Variants in EVI5L observed in about 807,000 individuals in gnomAD.
The protein encoded by EVI5L is ecotropic viral integration site 5 like.
EVI5L carries 30 observed loss-of-function variants against 106.1 expected under a neutral mutation model. The observed-to-expected ratio is 0.28, with a 90% confidence interval of 0.21 to 0.38. The LOEUF is 0.38. EVI5L is among the 10% of genes least tolerant of loss of function. EVI5L has a pLI of 1.00. For missense variants in EVI5L, 809 were observed against 1,098.0 expected, an observed-to-expected ratio of 0.74 and a Z score of 3.72; for synonymous variants, 489 against 483.3, an observed-to-expected ratio of 1.01 and a Z score of -0.15.
In EVI5L at chr19:7,857,608, A is replaced by G. The variant is rs1979593623; in HGVS notation, c.1233+484A>G. The G allele has an allele frequency of 5.2e-6, 1 of 192,946 alleles. No individual in the cohort carries two copies. Among genetic ancestry groups the G allele is most frequent in the Non-Finnish European group, 1.1e-5 (1 of 93,682 alleles). 12.0% of individuals were successfully genotyped at this position (192,946 alleles called of 1,614,324 possible). A position where few individuals can be genotyped will look rare whatever the true frequency, so the allele number is the denominator to read the frequency against. On this transcript the variant is annotated intron_variant, in intron 12 of 19. Transcript: ENST00000538904. The surrounding 1 kb of genome is among the most constrained non-coding windows in gnomAD (Gnocchi z 4.5). ...CTGCTCCTGCTGCCACCTCATCTTG[A>G]ATGGCTTTATCTGGAAGCTGCCACC...
At position 7,850,198 on chromosome 19, in the gene EVI5L, C is replaced by G; in HGVS notation, c.753+76C>G. 1 of 1,528,840 alleles carries G rather than the reference C, an allele frequency of 6.5e-7. No individual in the cohort carries two copies. The highest frequency in any genetic ancestry group is 8.8e-7 in the Non-Finnish European group (1 of 1,137,820). 94.7% of individuals were successfully genotyped at this position (1,528,840 alleles called of 1,614,324 possible). On this transcript the variant is annotated intron_variant, in intron 6 of 19. Transcript: ENST00000538904. This position sits in a 1 kb window ranked among gnomAD's most constrained non-coding sequence, Gnocchi z 5.4. ...GGGCAGGGCCGCAAGGGAGCAGGAT[C>G]GCAGAAGGGCAGGGCTGGCACCCTA...
In EVI5L at chr19:7,849,248, C is replaced by T; in HGVS notation, c.553-8C>T. On this transcript the variant is annotated splice_region_variant and splice_polypyrimidine_tract_variant and intron_variant, in intron 4 of 19. Coordinates refer to ENST00000538904, the MANE Select transcript of EVI5L (RefSeq NM_001159944.3). ...GGGACCCTGCTCTCAGGACTTGTTCCCTTCTAGGCATACTCGCTGGTAGAC... is the reference window on the plus strand; with the variant it reads ...GGGACCCTGCTCTCAGGACTTGTTCTCTTCTAGGCATACTCGCTGGTAGAC... 6.2e-7 allele frequency: 1 copy of T among 1,614,180 alleles called. No homozygotes were observed. The highest frequency in any genetic ancestry group is 1.1e-5 in the South Asian group (1 of 91,082).
intron 14 of EVI5L, 43 bp from the exon 15 acceptor site, chr19:7,861,835 G>C: frequency 6.5e-7 from 1 of 1,548,042 alleles, no homozygotes; most frequent in Non-Finnish European, 8.7e-7. Context: ...AGGGCCATGC[G>C]GCTGCGCTGC....
Position 7,864,730 on chromosome 19 carries a change from G to T in EVI5L, c.*1028G>T, listed in dbSNP as rs1391662150. On this transcript the variant is annotated 3_prime_UTR_variant, in exon 20 of 20. Transcript: ENST00000538904. This position sits in a 1 kb window ranked among gnomAD's most constrained non-coding sequence, Gnocchi z 4.5. ...ATGACCCTGGGGGCTGCCCCCCTCGGTGCTCCCGGAGCCTCCAGTAGAGTA... is the reference window on the plus strand; with the variant it reads ...ATGACCCTGGGGGCTGCCCCCCTCGTTGCTCCCGGAGCCTCCAGTAGAGTA... The T allele has an allele frequency of 6.6e-6, 1 of 151,824 alleles. No individual in the cohort carries two copies. Among genetic ancestry groups the T allele is most frequent in the Non-Finnish European group, 1.5e-5 (1 of 67,888 alleles). 9.4% of individuals were successfully genotyped at this position (151,824 alleles called of 1,614,324 possible).
chr19:7,847,673 C>G, intron 2 of EVI5L, 59 bp from the exon 3 acceptor site: 1 of 1,573,154 alleles, frequency 6.4e-7, no homozygotes, highest in South Asian at 1.2e-5. Context: ...GCTGGGCTCG[C>G]CAAGGATCCC....
Position 7,858,906 on chromosome 19 carries a change from C to G in EVI5L, c.1374+575C>G, listed in dbSNP as rs1384074087. The G allele has an allele frequency of 6.6e-6, 1 of 152,562 alleles. No individual in the cohort carries two copies. 9.5% of individuals were successfully genotyped at this position (152,562 alleles called of 1,614,324 possible). ...TCTCCTGAAAGCTTTTAGAACTTAACTGCGACCTGGTGCAGTGGCTCACGC... is the reference window on the plus strand; with the variant it reads ...TCTCCTGAAAGCTTTTAGAACTTAAGTGCGACCTGGTGCAGTGGCTCACGC... On this transcript the variant is annotated intron_variant, in intron 13 of 19. Coordinates refer to ENST00000538904, the MANE Select transcript of EVI5L (RefSeq NM_001159944.3). The surrounding 1 kb of genome is among the most constrained non-coding windows in gnomAD (Gnocchi z 5.7).
intron 10 of EVI5L, 137 bp downstream of exon 10, chr19:7,853,470 T>A: frequency 8.5e-7 from 1 of 1,169,960 alleles, no homozygotes; most frequent in Non-Finnish European, 1.2e-6. Context: ...CGGACAGGCC[T>A]CCGCCCACCT....
chr19:7,847,687 C>T (rs749811652), intron 2 of EVI5L, 45 bp from the exon 3 acceptor site: 3 of 1,591,072 alleles, frequency 1.9e-6, no homozygotes, highest in Non-Finnish European at 1.7e-6. Context: ...GGATCCCTGT[C>T]CCCAGGGAGT....
chr19:7,837,227 A>G (rs1978377191), intron 1 of EVI5L, among the ~76,000 whole-genome samples: 1 of 151,768 alleles, frequency 6.6e-6, no homozygotes, highest in African/African-American at 2.4e-5. Flanking sequence ...GCTACTTGGG[A>G]GGCTGAGGCA....
rs1487527858 is a variant in EVI5L at position 7,845,833 on chromosome 19, C to A, written c.-47-663C>A. On this transcript the variant is annotated intron_variant, in intron 1 of 19. Transcript: ENST00000538904. The surrounding 1 kb of genome is among the most constrained non-coding windows in gnomAD (Gnocchi z 4.0). ...CACGTGGCAGGCCAAGATCTGGATA[C>A]GGATCGGAGCCCACAGCTCTGGCTC... is the stretch of plus-strand genomic sequence containing the variant. Among the ~76,000 whole-genome samples, 1 of 152,184 alleles carries A rather than the reference C, an allele frequency of 6.6e-6. No homozygotes were observed. The highest frequency in any genetic ancestry group is 2.4e-5 in the African/African-American group (1 of 41,454).
At position 7,843,451 on chromosome 19, in the gene EVI5L, TGTGA is replaced by T. The variant is rs1368089617; in HGVS notation, c.-47-3041_-47-3038del. On this transcript the variant is annotated intron_variant, in intron 1 of 19. Coordinates refer to ENST00000538904, the MANE Select transcript of EVI5L (RefSeq NM_001159944.3). ...TGTCGAGAGTGTGTGTGTATGGGTG[TGTGA>T]GTGTGTGTGAGAATAGGCATGGGTG... Among the ~76,000 whole-genome samples, 686 of 146,102 alleles carry T rather than the reference TGTGA, an allele frequency of 4.7e-3. 8 individuals carry two copies. The highest frequency in any genetic ancestry group is 0.016 in the African/African-American group (604 of 38,460).
At chr19:7,833,464 G>C (rs1024246121) in intron 1 of EVI5L, among the ~76,000 whole-genome samples, 1 of 152,240 alleles carries the variant, frequency 6.6e-6, no homozygotes, top group Non-Finnish European at 1.5e-5. Context: ...GGCCTGCTGC[G>C]GGGAGCATGA....
Position 7,846,636 on chromosome 19 carries a change from C to T in EVI5L, c.94C>T (p.Pro32Ser). The T allele has an allele frequency of 6.2e-7, 1 of 1,613,738 alleles. No homozygotes were observed. The highest frequency in any genetic ancestry group is 8.5e-7 in the Non-Finnish European group (1 of 1,179,958). The change falls in exon 2 of 20, where the codon CCC becomes TCC. Residue 32 changes from proline to serine, a missense_variant. Around this residue, in one of 2 missense-constraint regions of EVI5L, gnomAD observed 357 missense variants for 588.1 expected, o/e 0.61. Transcript: ENST00000538904. ...AACCTCTGACTCCGAGAACCTCAGCCCCGATGAGCTGGAGCTGCTGGCCAA... is the reference window on the plus strand; with the variant it reads ...AACCTCTGACTCCGAGAACCTCAGCTCCGATGAGCTGGAGCTGCTGGCCAA... ...SPTSDSENLSPDELELLAKLE... is the reference protein window; with the variant it reads ...SPTSDSENLSSDELELLAKLE...
rs374916533 is a variant in EVI5L at position 7,856,135 on chromosome 19, C to T, written c.1200+67C>T. 1.7e-5 allele frequency: 22 copies of T among 1,284,532 alleles called. No individual in the cohort carries two copies. Among genetic ancestry groups the T allele is most frequent in the African/African-American group, 1.2e-4 (8 of 65,752 alleles). 79.6% of individuals were successfully genotyped at this position (1,284,532 alleles called of 1,614,324 possible). On this transcript the variant is annotated intron_variant, in intron 11 of 19. Coordinates refer to ENST00000538904, the MANE Select transcript of EVI5L (RefSeq NM_001159944.3). The surrounding 1 kb of genome is among the most constrained non-coding windows in gnomAD (Gnocchi z 6.6). ...TGTGACCCACCATGCGGGGCATGGCCGCTAACCTGGGGTGGACTCCTCCAA... is the reference window on the plus strand; with the variant it reads ...TGTGACCCACCATGCGGGGCATGGCTGCTAACCTGGGGTGGACTCCTCCAA...
chr19:7,846,360 G>A (rs756040937), intron 1 of EVI5L, 136 bp from the exon 2 acceptor site: 84 of 704,996 alleles, frequency 1.2e-4, no homozygotes, highest in Non-Finnish European at 1.6e-4. Flanking sequence ...GGGCTGGGGC[G>A]CATGGGGATG....
Position 7,848,222 on chromosome 19 carries a change from G to T in EVI5L, c.327+301G>T, listed in dbSNP as rs1979055143. The stretch of plus-strand genomic sequence containing the variant: ...AATCTCAGCACTTTGGGCGGCCAAG[G>T]TGGGAGGATCGCTTGAGGCCAGGAG... On this transcript the variant is annotated intron_variant, in intron 3 of 19. Coordinates refer to ENST00000538904, the MANE Select transcript of EVI5L (RefSeq NM_001159944.3). The surrounding 1 kb of genome is among the most constrained non-coding windows in gnomAD (Gnocchi z 4.8). Among the ~76,000 whole-genome samples the T allele has an allele frequency of 6.6e-6, 1 of 152,154 alleles. No individual in the cohort carries two copies. The highest frequency in any genetic ancestry group is 6.5e-5 in the Admixed American group (1 of 15,276).
At position 7,853,072 on chromosome 19, in the gene EVI5L, C is replaced by T. The variant is rs763482170; in HGVS notation, c.988-14C>T. 9 of 1,613,432 alleles carry T rather than the reference C, an allele frequency of 5.6e-6. No homozygotes were observed. In the East Asian group the frequency reaches 1.8e-4, roughly 32 times the overall value. ...TGCATGTTGGTGACCAGGTGACCGG[C>T]TGTGTCCCCACAGTACTTCCAGAGA... On this transcript the variant is annotated splice_polypyrimidine_tract_variant and intron_variant, in intron 8 of 19. Transcript: ENST00000538904.
chr19:7,841,373 A>G (rs1051613876), intron 1 of EVI5L, among the ~76,000 whole-genome samples: 4 of 152,020 alleles, frequency 2.6e-5, no homozygotes, highest in African/African-American at 9.7e-5. Flanking sequence ...CCGGCCAGAG[A>G]GGCAGGAAGG....
At position 7,861,964 on chromosome 19, in the gene EVI5L, G is replaced by A. The variant is rs1979820828; in HGVS notation, c.1590G>A (p.Val530=). The change falls in exon 15 of 20, where the codon GTG becomes GTA. Residue 530 remains valine, a synonymous_variant. Coordinates refer to ENST00000538904, the MANE Select transcript of EVI5L (RefSeq NM_001159944.3). The stretch of plus-strand genomic sequence containing the variant: ...TCAAGGTGCGGGAAGGCCAGGCGGT[G>A]GCCTCGACGCGAGAGCTTAAACTGC... ...KALKVREGQA[V]ASTRELKLQL... is the part of the protein sequence containing the mutation. 1 of 1,549,930 alleles carries A rather than the reference G, an allele frequency of 6.5e-7. No homozygotes were observed. Among genetic ancestry groups the A allele is most frequent in the South Asian group, 1.2e-5 (1 of 84,046 alleles).
Sources: gnomAD v4.1 joint callset for allele counts (sites outside exome capture counted in the v4.1 genomes callset) on GRCh38, gnomAD v4.1.1 for gene constraint, gnomAD v4.1.1 regional missense constraint, Gnocchi (gnomAD v3.1) non-coding constraint, MANE v1.5 for transcripts, NCBI Gene and HGNC (gene_info 2026-07-23, HGNC 2026-07-21) for gene names.